Variants in ZNF334 observed in about 807,000 individuals in gnomAD.
ZNF334 encodes zinc finger protein 334.
ZNF334 carries 14 observed loss-of-function variants against 12.4 expected under a neutral mutation model. That is an observed-to-expected ratio of 1.13 (90% confidence interval 0.74 to 1.76). The LOEUF is 1.76. ZNF334 is among the 40% of genes most tolerant of loss of function. The pLI, the probability that ZNF334 is intolerant of heterozygous loss-of-function variation, is 0.00. For synonymous variants in ZNF334, 273 were observed against 269.6 expected, an observed-to-expected ratio of 1.01 and a Z score of -0.12; for missense variants, 797 against 804.5, an observed-to-expected ratio of 0.99 and a Z score of 0.11.
At chr20:46,482,130 G>C in the ZNF334 span, among the ~76,000 whole-genome samples, 1 of 152,180 alleles carries the variant, frequency 6.6e-6, no homozygotes, top group Admixed American at 6.5e-5. Flanking sequence ...TCTTCCTAGA[G>C]CCTGCAGCAG....
In ZNF334 at chr20:46,501,596, G is replaced by C; in HGVS notation, c.1743C>G (p.Phe581Leu). 1.2e-6 allele frequency: 2 copies of C among 1,613,648 alleles called. No homozygotes were observed. Among genetic ancestry groups the C allele is most frequent in the Non-Finnish European group, 1.7e-6 (2 of 1,179,588 alleles). The change falls in exon 5 of 5, where the codon TTC becomes TTG. Residue 581 changes from phenylalanine (F) to leucine (L), a missense_variant. By Grantham distance (22) the Phe-to-Leu change is conservative. Transcript: ENST00000692313. The stretch of plus-strand genomic sequence containing the variant: ...GTTCAACAAAGGAGAACTTCTGACA[G>C]AAGGTTTTCCCACATTCATTACACT... ...PYECNECGKT[F>L]CQKFSFVEHQ...
In ZNF334 at chr20:46,501,466, C is replaced by T; in HGVS notation, c.1873G>A (p.Glu625Lys). 1 of 1,614,034 alleles carries T rather than the reference C, an allele frequency of 6.2e-7. No individual in the cohort carries two copies. The highest frequency in any genetic ancestry group is 8.5e-7 in the Non-Finnish European group (1 of 1,179,996). ...FRVHRRIHTG[E>K]KPYECNQCGK... ...CATTGATTACATTCATATGGTTTCT[C>T]TCCTGTGTGAATTCTTCTATGGACT... is the stretch of plus-strand genomic sequence containing the variant. Residue 625 changes from glutamate to lysine, a missense_variant, in exon 5 of 5, where the codon GAG becomes AAG. Coordinates refer to ENST00000692313, the MANE Select transcript of ZNF334 (RefSeq NM_001353824.2).
intron 2 of ZNF334, among the ~76,000 whole-genome samples, chr20:46,507,256 G>A (rs2061466698): frequency 6.6e-6 from 1 of 151,900 alleles, no homozygotes; most frequent in South Asian, 2.1e-4. Context: ...AAGGGAAGGG[G>A]AAGGGGAAAG....
At position 46,501,640 on chromosome 20, in the gene ZNF334, T is replaced by C. The variant is rs763184066; in HGVS notation, c.1699A>G (p.Thr567Ala). ...SALTHHQRTH[T>A]GQRPYECNEC... Reference sequence around the variant, plus strand: ...TTACACTCATAGGGTCTCTGTCCTGTGTGTGTTCTCTGATGGTGAGTCAGG... The same window carrying C: ...TTACACTCATAGGGTCTCTGTCCTGCGTGTGTTCTCTGATGGTGAGTCAGG... The change falls in exon 5 of 5, where the codon ACA becomes GCA. Residue 567 changes from threonine (T) to alanine (A), a missense_variant. By Grantham distance (58) the Thr-to-Ala change is moderately conservative. Coordinates refer to ENST00000692313, the MANE Select transcript of ZNF334 (RefSeq NM_001353824.2). 3 of 1,614,070 alleles carry C rather than the reference T, an allele frequency of 1.9e-6. No homozygotes were observed. Among genetic ancestry groups the C allele is most frequent in the Non-Finnish European group, 2.5e-6 (3 of 1,180,000 alleles).
At chr20:46,506,980 G>A (rs944232986) in intron 2 of ZNF334, among the ~76,000 whole-genome samples, 1 of 151,650 alleles carries the variant, frequency 6.6e-6, no homozygotes, top group African/African-American at 2.4e-5. Context: ...CAGGAGTGGT[G>A]GCACATGCCT....
rs370942430 is a variant in ZNF334 at position 46,501,742 on chromosome 20, T to C, written c.1597A>G (p.Ile533Val). 2.5e-6 allele frequency: 4 copies of C among 1,614,022 alleles called. No individual in the cohort carries two copies. The highest frequency in any genetic ancestry group is 2.7e-5 in the African/African-American group (2 of 74,924). ...TCCCATATAGTTCTCTGATGTACAA[T>C]GAGGTGTGAGTTTTTGCTGACGGCA... ...GHAVSKNSHL[I>V]VHQRTIWERP... Residue 533 changes from isoleucine (I) to valine (V), a missense_variant, in exon 5 of 5, where the codon ATT becomes GTT. Physicochemically the swap from Ile to Val is conservative, Grantham distance 29. Transcript: ENST00000692313.
the ZNF334 span, among the ~76,000 whole-genome samples, chr20:46,468,970 G>A: frequency 6.6e-6 from 1 of 152,174 alleles, no homozygotes; most frequent in African/African-American, 2.4e-5. Flanking sequence ...CATTTGAAAT[G>A]TATAGATGTA....
chr20:46,483,985 C>G, the ZNF334 span, among the ~76,000 whole-genome samples: 1,032 of 152,266 alleles, frequency 6.8e-3, 38 homozygotes, highest in Admixed American at 0.061. Flanking sequence ...TATTGAGAGA[C>G]TCTGTCAAAT....
intron 2 of ZNF334, 117 bp downstream of exon 2, chr20:46,511,965 T>C (rs962508407): frequency 1.1e-5 from 11 of 983,832 alleles, no homozygotes; most frequent in African/African-American, 3.2e-5. Context: ...TTTTCCAGTA[T>C]TGATCGAATA....
the ZNF334 span, chr20:46,476,433 C>G: frequency 6.6e-6 from 1 of 152,120 alleles, no homozygotes; most frequent in Non-Finnish European, 1.5e-5. Flanking sequence ...TGAATAAGAT[C>G]GGAGAATTTT....
chr20:46,464,687 G>A, the ZNF334 span: 1 of 402,748 alleles, frequency 2.5e-6, no homozygotes, highest in South Asian at 1.9e-5. Flanking sequence ...TAGGGGCAAA[G>A]CAGCTTGTTA....
At chr20:46,469,986 T>C in the ZNF334 span, among the ~76,000 whole-genome samples, 389 of 152,276 alleles carry the variant, frequency 2.6e-3, 1 homozygote, top group African/African-American at 9.1e-3. Flanking sequence ...ATACTCACAA[T>C]TGCTACCCTT....
At chr20:46,494,105 CTTG>C in the ZNF334 span, among the ~76,000 whole-genome samples, 1 of 152,172 alleles carries the variant, frequency 6.6e-6, no homozygotes, top group African/African-American at 2.4e-5. Flanking sequence ...AAATTGATTT[CTTG>C]TTGTATGTCT....
In ZNF334 at chr20:46,501,622, C is replaced by T. The variant is rs1194921513; in HGVS notation, c.1717G>A (p.Glu573Lys). ...AAGGTTTTCCCACATTCATTACACTCATAGGGTCTCTGTCCTGTGTGTGTT... is the reference window on the plus strand; with the variant it reads ...AAGGTTTTCCCACATTCATTACACTTATAGGGTCTCTGTCCTGTGTGTGTT... ...QRTHTGQRPY[E>K]CNECGKTFCQ... Residue 573 changes from glutamate to lysine, a missense_variant, in exon 5 of 5, where the codon GAG (glutamate) becomes AAG (lysine). Transcript: ENST00000692313. 3.1e-6 allele frequency: 5 copies of T among 1,614,168 alleles called. No homozygotes were observed. Among genetic ancestry groups the T allele is most frequent in the Non-Finnish European group, 4.2e-6 (5 of 1,180,006 alleles).
chr20:46,504,487 G>A (rs1209140727), intron 3 of ZNF334, 127 bp downstream of exon 3: 8 of 1,289,886 alleles, frequency 6.2e-6, no homozygotes, highest in South Asian at 1.5e-5. Context: ...AACTTCTACT[G>A]TCTAAAAGGG....
At chr20:46,494,341 T>C in the ZNF334 span, among the ~76,000 whole-genome samples, 1 of 152,212 alleles carries the variant, frequency 6.6e-6, no homozygotes, top group Non-Finnish European at 1.5e-5. Flanking sequence ...TTCTCAGATA[T>C]GACAGGAGCT....
At chr20:46,482,915 G>C in the ZNF334 span, among the ~76,000 whole-genome samples, 5 of 152,124 alleles carry the variant, frequency 3.3e-5, no homozygotes, top group Admixed American at 3.3e-4. Flanking sequence ...CAGTATTTCA[G>C]TGGTAGACAC....
the ZNF334 span, among the ~76,000 whole-genome samples, chr20:46,476,730 C>T: frequency 1.3e-3 from 203 of 152,232 alleles, no homozygotes; most frequent in Middle Eastern, 6.8e-3. Context: ...AAAGATGAGT[C>T]ACATAAAGGT....
intron 2 of ZNF334, chr20:46,509,574 T>C (rs918072949): frequency 2.8e-6 from 2 of 702,900 alleles, no homozygotes; most frequent in East Asian, 2.7e-5. Context: ...GTGCACAGAA[T>C]AGAGAAAGGA....
Sources: gnomAD v4.1 joint callset for allele counts (sites outside exome capture counted in the v4.1 genomes callset) on GRCh38, gnomAD v4.1.1 for gene constraint, MANE v1.5 for transcripts, NCBI Gene and HGNC (gene_info 2026-07-23, HGNC 2026-07-21) for gene names.